CSMD1: variants seen among roughly 807,000 people sequenced by gnomAD.
The protein encoded by CSMD1 is CUB and sushi domain-containing protein 1.
Under a neutral mutation model 417.5 loss-of-function variants are expected in CSMD1, and 213 were observed. The ratio of observed to expected loss-of-function variants is 0.51; its 90% confidence interval spans 0.46 to 0.57. The LOEUF (loss-of-function observed/expected upper bound fraction) is 0.57. CSMD1 is among the 20% of genes least tolerant of loss of function. The probability of loss-of-function intolerance (pLI) is 0.00; values close to 1 mark genes in which losing one functional copy is unlikely to be tolerated. For missense variants in CSMD1, 6,923 were observed against 4,529.7 expected, an observed-to-expected ratio of 1.53 and a Z score of -15.17; for synonymous variants, 2,862 against 1,736.8, an observed-to-expected ratio of 1.65 and a Z score of -16.11.
intron 3 of CSMD1, among the ~76,000 whole-genome samples, chr8:4,274,900 C>A (rs772370670): frequency 1.3e-5 from 2 of 152,104 alleles, no homozygotes; most frequent in South Asian, 4.1e-4. Flanking sequence ...CACAGATATT[C>A]CAGAAGGAAA....
At chr8:3,841,707 A>G (rs1007138863) in intron 5 of CSMD1, among the ~76,000 whole-genome samples, 1 of 152,064 alleles carries the variant, frequency 6.6e-6, no homozygotes, top group Non-Finnish European at 1.5e-5. Context: ...ATTATAATAT[A>G]TAATATCAAA....
At chr8:3,726,476 G>C (rs1294786993) in intron 6 of CSMD1, among the ~76,000 whole-genome samples, 2 of 152,156 alleles carry the variant, frequency 1.3e-5, no homozygotes, top group Admixed American at 1.3e-4. Context: ...GAGCCAGATG[G>C]GATGCTTTAA....
intron 6 of CSMD1, among the ~76,000 whole-genome samples, chr8:3,719,790 G>A (rs1802046806): frequency 1.3e-5 from 2 of 152,234 alleles, no homozygotes; most frequent in South Asian, 4.2e-4. Flanking sequence ...AGTTCTACGT[G>A]TGTCCAGCTT....
intron 7 of CSMD1, among the ~76,000 whole-genome samples, chr8:3,701,473 G>A (rs1800863371): frequency 1.3e-5 from 2 of 151,332 alleles, no homozygotes; most frequent in South Asian, 2.1e-4. Context: ...AGGCTGACAT[G>A]AGGGCAAAAG....
At chr8:4,446,605 G>C (rs1405439095) in intron 2 of CSMD1, among the ~76,000 whole-genome samples, 1 of 152,124 alleles carries the variant, frequency 6.6e-6, no homozygotes, top group African/African-American at 2.4e-5. Flanking sequence ...CCAGGCTGCA[G>C]TGCAGCAGCG....
intron 3 of CSMD1, among the ~76,000 whole-genome samples, chr8:4,055,227 G>C (rs890949113): frequency 1.3e-5 from 2 of 152,090 alleles, no homozygotes; most frequent in Non-Finnish European, 2.9e-5. Flanking sequence ...AAACCATTTT[G>C]AGACAATAGG....
At chr8:4,584,375 C>T (rs986171302) in intron 2 of CSMD1, among the ~76,000 whole-genome samples, 2 of 152,052 alleles carry the variant, frequency 1.3e-5, no homozygotes, top group South Asian at 2.1e-4. Flanking sequence ...AGACCCCTTT[C>T]GCTTGCTATT....
At chr8:2,989,890 C>A (rs962959058) in intron 54 of CSMD1, among the ~76,000 whole-genome samples, 6 of 152,164 alleles carry the variant, frequency 3.9e-5, no homozygotes, top group Admixed American at 3.3e-4. Flanking sequence ...CTCTGGTCGT[C>A]TGCATAGTTA....
intron 5 of CSMD1, among the ~76,000 whole-genome samples, chr8:3,912,283 G>C (rs552419617): frequency 6.6e-6 from 1 of 152,146 alleles, no homozygotes; most frequent in African/African-American, 2.4e-5. Flanking sequence ...ACAATATACG[G>C]AGGGTGAATA....
At chr8:4,229,754 C>CAT (rs1801594295) in intron 3 of CSMD1, among the ~76,000 whole-genome samples, 1 of 152,146 alleles carries the variant, frequency 6.6e-6, no homozygotes, top group African/African-American at 2.4e-5. Flanking sequence ...TTCTACATAG[C>CAT]ATATCACAAT....
At chr8:3,173,392 A>G (rs892265045) in intron 37 of CSMD1, among the ~76,000 whole-genome samples, 2 of 152,216 alleles carry the variant, frequency 1.3e-5, no homozygotes, top group Non-Finnish European at 2.9e-5. Context: ...CACTTAGAAC[A>G]GTAGGGATGA....
rs12114678 is a variant in CSMD1, at chr8:4,040,818, G to C, written c.416-8719C>G. Among the ~76,000 whole-genome samples the C allele has an allele frequency of 6.6e-5, 10 of 152,190 alleles. No homozygotes were observed. The East Asian group carries it at 9.7e-4, about 15-fold the overall frequency. On this transcript the variant is annotated intron_variant, in intron 3 of 69. Coordinates refer to ENST00000635120, the MANE Select transcript of CSMD1 (RefSeq NM_033225.6). ...TTTCAAAAGATTTTTAATAGCACGT[G>C]AAAGACTTTAGCAGCTCCGGACAAT...
chr8:3,312,205 C>G (rs184821077), intron 23 of CSMD1, among the ~76,000 whole-genome samples: 2 of 152,056 alleles, frequency 1.3e-5, no homozygotes, highest in Admixed American at 1.3e-4. Flanking sequence ...TTCTATCAAT[C>G]ATTCAATATC....
chr8:4,749,507 T>C (rs779155904), intron 1 of CSMD1, among the ~76,000 whole-genome samples: 2 of 152,210 alleles, frequency 1.3e-5, no homozygotes, highest in Non-Finnish European at 2.9e-5. Context: ...GACTTGTGGT[T>C]AGCACGTGTA....
At chr8:3,042,960 A>G (rs1215422694) in intron 50 of CSMD1, among the ~76,000 whole-genome samples, 1 of 151,740 alleles carries the variant, frequency 6.6e-6, no homozygotes, top group Non-Finnish European at 1.5e-5. Context: ...ACATATAGTG[A>G]TATATACAGA....
At chr8:4,615,445 C>A (rs776968513) in intron 2 of CSMD1, among the ~76,000 whole-genome samples, 7 of 152,148 alleles carry the variant, frequency 4.6e-5, no homozygotes, top group Non-Finnish European at 1.0e-4. Context: ...TTTAGAAATG[C>A]AGACCAATTT....
chr8:4,036,719 G>C (rs1272789938), intron 3 of CSMD1, among the ~76,000 whole-genome samples: 1 of 152,200 alleles, frequency 6.6e-6, no homozygotes, highest in South Asian at 2.1e-4. Flanking sequence ...GGATCCTTTT[G>C]CAGATGCAGT....
intron 7 of CSMD1, among the ~76,000 whole-genome samples, chr8:3,667,856 C>T (rs973240556): frequency 2.6e-5 from 4 of 152,114 alleles, no homozygotes; most frequent in Admixed American, 6.6e-5. Flanking sequence ...TATGTTTAAT[C>T]GTGAAATAGC....
intron 5 of CSMD1, among the ~76,000 whole-genome samples, chr8:3,815,885 C>T (rs182259972): frequency 6.6e-6 from 1 of 152,128 alleles, no homozygotes; most frequent in Non-Finnish European, 1.5e-5. Flanking sequence ...ACTTGTTACA[C>T]TAAATTATCA....
Sources: gnomAD v4.1 joint callset for allele counts (sites outside exome capture counted in the v4.1 genomes callset) on GRCh38, gnomAD v4.1.1 for gene constraint, MANE v1.5 for transcripts, NCBI Gene and HGNC (gene_info 2026-07-23, HGNC 2026-07-21) for gene names.